RBM6: variants seen among roughly 807,000 people sequenced by gnomAD.
RBM6 encodes RNA binding motif protein 6.
RBM6 carries 23 observed loss-of-function variants against 140.4 expected under a neutral mutation model. The ratio of observed to expected loss-of-function variants is 0.16; its 90% CI spans 0.12 to 0.23. The LOEUF is 0.23. Ranked by LOEUF, RBM6 falls within the 10% of genes least tolerant of loss-of-function variation. The probability of loss-of-function intolerance (pLI) is 1.00; values close to 1 mark genes in which losing one functional copy is unlikely to be tolerated. For synonymous variants in RBM6, 439 were observed against 475.6 expected (o/e 0.92, Z 1.00); for missense variants, 1,139 against 1,386.7 (o/e 0.82, Z 2.84).
chr3:50,055,012 C>T (rs1056786549), intron 8 of RBM6, among the ~76,000 whole-genome samples: 2 of 152,098 alleles, frequency 1.3e-5, no homozygotes, highest in South Asian at 2.1e-4. Context: ...TTAGTAGAGA[C>T]GGAGTTTCAC....
chr3:49,952,422 T>G (rs1478631334), intron 1 of RBM6, among the ~76,000 whole-genome samples: 1 of 152,024 alleles, frequency 6.6e-6, no homozygotes, highest in East Asian at 1.9e-4. Flanking sequence ...CACTTCAGCC[T>G]TCTGAAGTGC....
chr3:50,055,256 T>C (rs1358209162), intron 8 of RBM6, among the ~76,000 whole-genome samples: 2 of 152,126 alleles, frequency 1.3e-5, no homozygotes, highest in South Asian at 2.1e-4. Context: ...GCCGAAACCC[T>C]GTCTCTACTA....
At chr3:50,019,872 G>A (rs1408812100) in intron 6 of RBM6, among the ~76,000 whole-genome samples, 1 of 150,034 alleles carries the variant, frequency 6.7e-6, no homozygotes, top group East Asian at 1.9e-4. Flanking sequence ...GTATGTTCAT[G>A]TTAATTTCTT....
At chr3:50,052,807 G>A (rs1461934585) in intron 7 of RBM6, among the ~76,000 whole-genome samples, 1 of 152,202 alleles carries the variant, frequency 6.6e-6, no homozygotes, top group Non-Finnish European at 1.5e-5. Flanking sequence ...GGCTAAGGGA[G>A]AGAGAGGTTC....
intron 15 of RBM6, among the ~76,000 whole-genome samples, chr3:50,062,480 G>A (rs1213711956): frequency 2.0e-5 from 3 of 150,490 alleles, no homozygotes; most frequent in Middle Eastern, 3.4e-3. Flanking sequence ...CTCCAGCCTG[G>A]CAACAGAGCA....
At chr3:49,947,220 C>G (rs1464141210) in intron 1 of RBM6, among the ~76,000 whole-genome samples, 1 of 144,954 alleles carries the variant, frequency 6.9e-6, no homozygotes, top group African/African-American at 2.6e-5. Flanking sequence ...CCACTGCACT[C>G]CAGCCTGGGC....
At chr3:49,982,784 C>G in intron 5 of RBM6, among the ~76,000 whole-genome samples, 1 of 151,914 alleles carries the variant, frequency 6.6e-6, no homozygotes, top group Middle Eastern at 3.2e-3. Flanking sequence ...GTGGTGCAAT[C>G]TCAGCTCACT....
chr3:50,016,393 G>T (rs1448103030), intron 6 of RBM6, among the ~76,000 whole-genome samples: 1 of 152,068 alleles, frequency 6.6e-6, no homozygotes, highest in Non-Finnish European at 1.5e-5. Flanking sequence ...GAATAGTACT[G>T]CAGTGAACAT....
chr3:50,061,696 A>G (rs2089950063), intron 14 of RBM6, 149 bp downstream of exon 14: 4 of 1,445,576 alleles, frequency 2.8e-6, no homozygotes, highest in Non-Finnish European at 3.6e-6. Flanking sequence ...GTTTAGATCT[A>G]TGGAAACAGA....
At chr3:49,959,219 C>T (rs1042639668) in intron 1 of RBM6, among the ~76,000 whole-genome samples, 13 of 135,732 alleles carry the variant, frequency 9.6e-5, no homozygotes, top group South Asian at 7.0e-4. Flanking sequence ...GATGGAGTCT[C>T]GCTCTGTCGC....
rs550732224 is a variant in RBM6 at position 49,955,283 on chromosome 3, A to C, written c.-66-7293A>C. 2.2e-5 allele frequency among the ~76,000 whole-genome samples: 3 copies of C among 137,676 alleles called. 1 individual carries two copies. The South Asian group carries it at 6.7e-4, about 31-fold the overall frequency. The allele number at this position is 137,676 out of a possible 152,430, so 90.3% of individuals were successfully genotyped here. On this transcript the variant is annotated intron_variant, in intron 1 of 20. Transcript: ENST00000266022. ...TGGGATCAAGCCTCGGGATCCTCCT[A>C]CCTCAACCTCTGCAGTATTTGGGAC...
intron 2 of RBM6, 142 bp downstream of exon 2, chr3:49,962,827 G>A: frequency 2.5e-6 from 2 of 789,784 alleles, no homozygotes; most frequent in East Asian, 6.4e-5. Flanking sequence ...GCTGGGCGCG[G>A]TGGCTCACGC....
chr3:50,056,790 T>C (rs1442947393), intron 8 of RBM6, among the ~76,000 whole-genome samples: 2 of 152,212 alleles, frequency 1.3e-5, no homozygotes, highest in Non-Finnish European at 2.9e-5. Flanking sequence ...TAAAACAAAC[T>C]ATAAAGACAA....
At chr3:50,036,478 T>G (rs1269893945) in intron 6 of RBM6, among the ~76,000 whole-genome samples, 1 of 152,090 alleles carries the variant, frequency 6.6e-6, no homozygotes, top group African/African-American at 2.4e-5. Flanking sequence ...ACAAATTTCT[T>G]CTTCGTGCAG....
chr3:49,986,017 A>T (rs946137961), intron 5 of RBM6, among the ~76,000 whole-genome samples: 2 of 151,648 alleles, frequency 1.3e-5, no homozygotes, highest in African/African-American at 4.8e-5. Context: ...ATGGGGTCTC[A>T]CTTTGTCACC....
chr3:49,970,886 T>C (rs969232845), intron 3 of RBM6, among the ~76,000 whole-genome samples: 1 of 151,840 alleles, frequency 6.6e-6, no homozygotes, highest in African/African-American at 2.4e-5. Context: ...TCCCAACACT[T>C]TGGGAGGCAA....
At chr3:50,002,041 G>A (rs7628058) in intron 6 of RBM6, among the ~76,000 whole-genome samples, 78,800 of 151,874 alleles carry the variant, frequency 0.52, 21,761 homozygotes, top group African/African-American at 0.68. Context: ...TTGAAATTCA[G>A]TGTCCTTCTT....
At position 50,066,266 on chromosome 3, in the gene RBM6, G is replaced by A. The variant is rs759197594; in HGVS notation, c.2707G>A (p.Gly903Ser). The A allele has an allele frequency of 7.4e-6, 12 of 1,613,868 alleles. 1 individual carries two copies. In the East Asian group the frequency reaches 1.6e-4, roughly 21 times the overall value. Residue 903 changes from glycine (G) to serine (S), a missense_variant, in exon 17 of 21, where the codon GGC becomes AGC. Transcript: ENST00000266022. ...GCCTAAAGTGGTAAACCCACTGATC[G>A]GCCTCTTGGGTGAATATGGAGGAGA... ...PPPKVVNPLI[G>S]LLGEYGGDSD...
At chr3:49,980,223 T>A (rs1439394235) in intron 5 of RBM6, among the ~76,000 whole-genome samples, 1 of 151,730 alleles carries the variant, frequency 6.6e-6, no homozygotes, top group Non-Finnish European at 1.5e-5. Context: ...CAGGCTGGTC[T>A]TGAACACCTG....
Sources: allele counts gnomAD v4.1 joint callset (sites outside exome capture counted in the v4.1 genomes callset), GRCh38; gene constraint gnomAD v4.1.1; transcripts MANE v1.5; gene names NCBI Gene and HGNC (gene_info 2026-07-23, HGNC 2026-07-21).